Variants in KIAA0930 observed in about 807,000 individuals in gnomAD.
KIAA0930 encodes the protein KIAA0930, also known as uncharacterized protein KIAA0930.
A neutral mutation model predicts 43.9 loss-of-function variants in KIAA0930; 24 were observed. That is an observed-to-expected ratio of 0.55 (90% confidence interval 0.40 to 0.77). The LOEUF (loss-of-function observed/expected upper bound fraction) is 0.77, where lower values mean the gene tolerates loss of function less well. Ranked by LOEUF, KIAA0930 falls within the 30% of genes least tolerant of loss-of-function variation. KIAA0930 has a pLI of 0.00. For synonymous variants in KIAA0930, 259 were observed against 216.4 expected (o/e 1.20, Z -1.73); for missense variants, 461 against 574.2 (o/e 0.80, Z 2.02).
chr22:45,239,973 C>A (rs2083906977), intron 1 of KIAA0930, among the ~76,000 whole-genome samples: 2 of 152,074 alleles, frequency 1.3e-5, no homozygotes, highest in South Asian at 4.2e-4. Flanking sequence ...CAGGCCCTTC[C>A]AAACAATACG....
Position 45,197,172 on chromosome 22 carries a change from G to A in KIAA0930, c.*4C>T, listed in dbSNP as rs369602906. The A allele has an allele frequency of 1.7e-5, 27 of 1,548,088 alleles. No individual in the cohort carries two copies. The highest frequency in any genetic ancestry group is 1.4e-4 in the African/African-American group (10 of 72,822). On this transcript the variant is annotated 3_prime_UTR_variant, in exon 10 of 10. Coordinates refer to ENST00000336156, the MANE Select transcript of KIAA0930 (RefSeq NM_001009880.2). ...CCGGGGCTCTGCGCAGGCTCCGCAC[G>A]CGGCTAGGTCATCAGGATGGGCTTC...
At chr22:45,216,287 T>C (rs1477070753) in intron 1 of KIAA0930, among the ~76,000 whole-genome samples, 1 of 152,154 alleles carries the variant, frequency 6.6e-6, no homozygotes, top group Non-Finnish European at 1.5e-5. Context: ...TGACCCTCAG[T>C]GGTTCTACCT....
At chr22:45,222,604 T>A (rs1166107871) in intron 1 of KIAA0930, among the ~76,000 whole-genome samples, 2 of 150,920 alleles carry the variant, frequency 1.3e-5, no homozygotes, top group Non-Finnish European at 2.9e-5. Flanking sequence ...CCACTGGGCC[T>A]GGCCAAAAAT....
chr22:45,221,353 C>G (rs1356786941), intron 1 of KIAA0930, among the ~76,000 whole-genome samples: 1 of 152,140 alleles, frequency 6.6e-6, no homozygotes, highest in Non-Finnish European at 1.5e-5. Context: ...AAATGGCATG[C>G]CATGGCGATA....
At chr22:45,235,358 C>G (rs185160218) in intron 1 of KIAA0930, 13 of 152,376 alleles carry the variant, frequency 8.5e-5, no homozygotes, top group African/African-American at 3.1e-4. Context: ...CGGAAGGACA[C>G]AGAGTCTCAG....
In KIAA0930 at chr22:45,194,190, T is replaced by G. The variant is rs2083516202; in HGVS notation, c.*2986A>C. 6.7e-6 allele frequency: 1 copy of G among 148,746 alleles called. No individual in the cohort carries two copies. The highest frequency in any genetic ancestry group is 1.5e-5 in the Non-Finnish European group (1 of 67,392). 9.2% of individuals were successfully genotyped at this position (148,746 alleles called of 1,614,324 possible). A position where few individuals can be genotyped will look rare whatever the true frequency, so the allele number is the denominator to read the frequency against. ...ACTAGGTTCAAGTGATTCTCCTTCC[T>G]CAGCCTTCCGAGTAGCTGGGATTAC... On this transcript the variant is annotated 3_prime_UTR_variant, in exon 10 of 10. Transcript: ENST00000336156.
At chr22:45,227,430 GAA>G (rs1393918632) in intron 1 of KIAA0930, among the ~76,000 whole-genome samples, 1 of 151,922 alleles carries the variant, frequency 6.6e-6, no homozygotes, top group African/African-American at 2.4e-5. Context: ...GCCCACCCAG[GAA>G]AAAAAGGGCA....
Position 45,205,928 on chromosome 22 carries a change from C to A in KIAA0930, c.217-16G>T. ...GCTCAGCTGCCTGCGAGGCCCAGAG[C>A]AGAAGTGAGTGCCCAGGGCCCACTG... On this transcript the variant is annotated splice_polypyrimidine_tract_variant and intron_variant, in intron 2 of 9. Coordinates refer to ENST00000336156, the MANE Select transcript of KIAA0930 (RefSeq NM_001009880.2). 1 of 1,611,528 alleles carries A rather than the reference C, an allele frequency of 6.2e-7. No homozygotes were observed. The highest frequency in any genetic ancestry group is 8.5e-7 in the Non-Finnish European group (1 of 1,179,778).
chr22:45,220,385 G>A (rs2083760120), intron 1 of KIAA0930, among the ~76,000 whole-genome samples: 1 of 151,954 alleles, frequency 6.6e-6, no homozygotes, highest in Non-Finnish European at 1.5e-5. Context: ...AATCCAGGAG[G>A]CGGAGGTTGC....
chr22:45,202,884 T>C (rs2083601599), intron 7 of KIAA0930, 106 bp downstream of exon 7: 2 of 935,044 alleles, frequency 2.1e-6, no homozygotes, highest in Non-Finnish European at 3.1e-6. Context: ...CACTGGTGGT[T>C]GGGGATGACA....
rs370669503 is a variant in KIAA0930 at position 45,203,832 on chromosome 22, G to A, written c.657+13C>T. 1.8e-5 allele frequency: 29 copies of A among 1,612,934 alleles called. No individual in the cohort carries two copies. The highest frequency in any genetic ancestry group is 1.7e-5 in the Admixed American group (1 of 59,876). On this transcript the variant is annotated intron_variant, in intron 6 of 9. Coordinates refer to ENST00000336156, the MANE Select transcript of KIAA0930 (RefSeq NM_001009880.2). ...GGCCCAGAAGAACACCCGTGAGGCC[G>A]CCCCGCACTCACCCGGTTGTCATAC...
intron 1 of KIAA0930, chr22:45,212,611 C>A (rs1243502515): frequency 5.2e-6 from 7 of 1,333,610 alleles, no homozygotes; most frequent in Non-Finnish European, 6.8e-6. Flanking sequence ...AGGCTGCAAG[C>A]GGGAACCGCA....
Position 45,194,459 on chromosome 22 carries a change from G to C in KIAA0930, c.*2717C>G, listed in dbSNP as rs1341955869. The C allele has an allele frequency of 6.6e-6, 1 of 152,212 alleles. No individual in the cohort carries two copies. The highest frequency in any genetic ancestry group is 1.5e-5 in the Non-Finnish European group (1 of 68,052). 9.4% of individuals were successfully genotyped at this position (152,212 alleles called of 1,614,324 possible). ...GGTCTTAAAGGGGTTTTGGGATCAA[G>C]TGTCCTGTTGAGGAAAACTAGGTGT... is the stretch of plus-strand genomic sequence containing the variant. On this transcript the variant is annotated 3_prime_UTR_variant, in exon 10 of 10. Transcript: ENST00000336156.
In KIAA0930 at chr22:45,193,869, T is replaced by C. The variant is rs2083512054; in HGVS notation, c.*3307A>G. ...AGAAAGGGTATAAACGGAGACCACC[T>C]ATCACTCATCAGAACCTAGGATCAT... On this transcript the variant is annotated 3_prime_UTR_variant, in exon 10 of 10. Transcript: ENST00000336156. The C allele has an allele frequency of 2.0e-5, 3 of 152,168 alleles. No homozygotes were observed. In the South Asian group the frequency reaches 6.2e-4, roughly 32 times the overall value. The allele number at this position is 152,168 out of a possible 1,614,324, so 9.4% of individuals were successfully genotyped here. A position where few individuals can be genotyped will look rare whatever the true frequency, so the allele number is the denominator to read the frequency against.
Position 45,205,620 on chromosome 22 carries a change from C to G in KIAA0930, c.414+10G>C. ...GTTAGGAGGCTGGGGGCTCTCGTGCCAGGGCTCACCTGAGATTTCTTCTTA... is the reference window on the plus strand; with the variant it reads ...GTTAGGAGGCTGGGGGCTCTCGTGCGAGGGCTCACCTGAGATTTCTTCTTA... On this transcript the variant is annotated intron_variant, in intron 4 of 9. Coordinates refer to ENST00000336156, the MANE Select transcript of KIAA0930 (RefSeq NM_001009880.2). 1 of 1,613,546 alleles carries G rather than the reference C, an allele frequency of 6.2e-7. No individual in the cohort carries two copies. Among genetic ancestry groups the G allele is most frequent in the East Asian group, 2.2e-5 (1 of 44,904 alleles).
intron 5 of KIAA0930, among the ~76,000 whole-genome samples, chr22:45,204,790 C>T (rs1258198332): frequency 1.3e-5 from 2 of 151,942 alleles, no homozygotes; most frequent in African/African-American, 4.8e-5. Flanking sequence ...AAGGCTTGGC[C>T]CAGATAACTC....
At position 45,232,588 on chromosome 22, in the gene KIAA0930, G is replaced by A. The variant is rs2083860781; in HGVS notation, c.64+8052C>T. Among the ~76,000 whole-genome samples, 3 of 152,180 alleles carry A rather than the reference G, an allele frequency of 2.0e-5. No individual in the cohort carries two copies. The South Asian group carries it at 6.2e-4, about 32-fold the overall frequency. On this transcript the variant is annotated intron_variant, in intron 1 of 9. Transcript: ENST00000336156. Reference sequence around the variant, plus strand: ...TAGGGCTAGGCTGGTTGAATTCTGGGACTCTCTCCATCCCAGCTCCCCCAG... The same window carrying A: ...TAGGGCTAGGCTGGTTGAATTCTGGAACTCTCTCCATCCCAGCTCCCCCAG...
chr22:45,228,373 T>C (rs1170025370), intron 1 of KIAA0930, among the ~76,000 whole-genome samples: 1 of 151,994 alleles, frequency 6.6e-6, no homozygotes, highest in Non-Finnish European at 1.5e-5. Flanking sequence ...AACCTTCTTC[T>C]CCCTAATTCA....
At chr22:45,198,993 G>A (rs536713449) in intron 8 of KIAA0930, among the ~76,000 whole-genome samples, 105 of 152,312 alleles carry the variant, frequency 6.9e-4, no homozygotes, top group African/African-American at 2.3e-3. Context: ...CACACAGTGC[G>A]GAGCCAGGCG....
Sources: allele counts gnomAD v4.1 joint callset (sites outside exome capture counted in the v4.1 genomes callset), GRCh38; gene constraint gnomAD v4.1.1; transcripts MANE v1.5; gene names NCBI Gene and HGNC (gene_info 2026-07-23, HGNC 2026-07-21).